Variants in KCNAB1 observed in about 807,000 individuals in gnomAD.
KCNAB1 encodes potassium voltage-gated channel subfamily A regulatory beta subunit 1, also known as voltage-gated potassium channel subunit beta-1.
KCNAB1 carries 35 observed loss-of-function variants against 64.6 expected under a neutral mutation model. That is an observed-to-expected ratio of 0.54 (90% CI 0.41 to 0.72). The LOEUF is 0.72. KCNAB1 is among the 30% of genes least tolerant of loss of function. The pLI is 0.00. For missense variants in KCNAB1, 401 were observed against 512.9 expected, an observed-to-expected ratio of 0.78 and a Z score of 2.11; for synonymous variants, 177 against 183.8, an observed-to-expected ratio of 0.96 and a Z score of 0.30.
intron 1 of KCNAB1, among the ~76,000 whole-genome samples, chr3:156,352,491 C>T (rs1724922387): frequency 6.6e-6 from 1 of 152,202 alleles, no homozygotes; most frequent in Non-Finnish European, 1.5e-5. Context: ...ACAGAGCTCA[C>T]ACAGTTGAAA....
chr3:156,287,331 A>G (rs1720147694), intron 1 of KCNAB1, among the ~76,000 whole-genome samples: 1 of 144,126 alleles, frequency 6.9e-6, no homozygotes, highest in Non-Finnish European at 1.5e-5. Context: ...GCCCCGTGCA[A>G]TGTTGCAACC....
intron 1 of KCNAB1, among the ~76,000 whole-genome samples, chr3:156,186,944 C>T (rs569144197): frequency 7.9e-5 from 12 of 151,950 alleles, no homozygotes; most frequent in East Asian, 7.8e-4. Flanking sequence ...CTCTACCTCC[C>T]GGGCTCAAGT....
At chr3:156,455,431 A>T (rs1712331663) in intron 3 of KCNAB1, among the ~76,000 whole-genome samples, 1 of 152,264 alleles carries the variant, frequency 6.6e-6, no homozygotes, top group Admixed American at 6.5e-5. Flanking sequence ...AAACTCTGTA[A>T]GGTGCCTCTC....
intron 1 of KCNAB1, among the ~76,000 whole-genome samples, chr3:156,297,885 G>A (rs1186086350): frequency 6.6e-6 from 1 of 152,000 alleles, no homozygotes; most frequent in African/African-American, 2.4e-5. Flanking sequence ...CTGTGGCTGT[G>A]TTTCAAACAG....
chr3:156,225,608 A>G (rs1352049232), intron 1 of KCNAB1, among the ~76,000 whole-genome samples: 1 of 152,182 alleles, frequency 6.6e-6, no homozygotes, highest in Non-Finnish European at 1.5e-5. Flanking sequence ...GGGCATCCAA[A>G]TTGGTAAAGA....
At position 156,530,812 on chromosome 3, in the gene KCNAB1, C is replaced by A. The variant is rs113842550; in HGVS notation, c.1082-597C>A. ...CAGAAACCTAGAGTCTACAAGAGTT[C>A]CAAGCAACAGATGTGGAAAATGAGA... On this transcript the variant is annotated intron_variant, in intron 12 of 13. Coordinates refer to ENST00000490337, the MANE Select transcript of KCNAB1 (RefSeq NM_172160.3). Among the ~76,000 whole-genome samples, 21 of 152,172 alleles carry A rather than the reference C, an allele frequency of 1.4e-4. 2 individuals carry two copies. Among genetic ancestry groups the A allele is most frequent in the African/African-American group, 4.8e-4 (20 of 41,524 alleles).
chr3:156,398,193 A>C (rs946468885), intron 1 of KCNAB1, among the ~76,000 whole-genome samples: 1 of 152,142 alleles, frequency 6.6e-6, no homozygotes, highest in Non-Finnish European at 1.5e-5. Flanking sequence ...ATGAGAACAC[A>C]TGGACACAAG....
chr3:156,533,514 G>A (rs564427921), intron 13 of KCNAB1, among the ~76,000 whole-genome samples: 9 of 152,312 alleles, frequency 5.9e-5, no homozygotes, highest in Admixed American at 1.3e-4. Flanking sequence ...GCCAGGTCTC[G>A]CAGGACACCA....
chr3:156,291,856 A>G, intron 1 of KCNAB1: 1 of 1,607,738 alleles, frequency 6.2e-7, no homozygotes, highest in Non-Finnish European at 8.5e-7. Context: ...ACCTCTCGTG[A>G]CTGCCTGTGT....
chr3:156,377,726 A>T (rs1405061155), intron 1 of KCNAB1, among the ~76,000 whole-genome samples: 1 of 152,172 alleles, frequency 6.6e-6, no homozygotes, highest in African/African-American at 2.4e-5. Flanking sequence ...TATGAGAGCG[A>T]TTGCTAAGAA....
Position 156,181,320 on chromosome 3 carries a change from C to A in KCNAB1, c.275+60434C>A, listed in dbSNP as rs75920081. 7.4e-4 allele frequency among the ~76,000 whole-genome samples: 112 copies of A among 152,136 alleles called. 4 individuals carry two copies. The East Asian group carries it at 0.021, about 28-fold the overall frequency. ...CGAGACAGAGGTTAGAAGGGAGCAG[C>A]GTGAAATGCATTTGGGGGAGAAATT... is the stretch of plus-strand genomic sequence containing the variant. On this transcript the variant is annotated intron_variant, in intron 1 of 13. Coordinates refer to ENST00000490337, the MANE Select transcript of KCNAB1 (RefSeq NM_172160.3).
upstream of KCNAB1, chr3:156,118,279 ACT>A (rs1460541305): frequency 4.4e-6 from 2 of 451,956 alleles, no homozygotes; most frequent in Non-Finnish European, 8.9e-6. Flanking sequence ...TTGTCTGGAA[ACT>A]CAGCTGGGGC....
intron 1 of KCNAB1, among the ~76,000 whole-genome samples, chr3:156,282,215 C>T (rs1465755802): frequency 4.0e-5 from 6 of 148,586 alleles, no homozygotes; most frequent in Admixed American, 1.3e-4. Context: ...GCCTTCATTT[C>T]GTTATGTACC....
intron 1 of KCNAB1, among the ~76,000 whole-genome samples, chr3:156,309,399 C>A (rs16825988): frequency 0.023 from 3,446 of 152,338 alleles, 46 homozygotes; most frequent in East Asian, 0.039. Context: ...GAAGCCAACA[C>A]AGATGCCAGC....
At chr3:156,517,046 A>T (rs1178287915) in intron 11 of KCNAB1, among the ~76,000 whole-genome samples, 1 of 152,262 alleles carries the variant, frequency 6.6e-6, no homozygotes, top group Non-Finnish European at 1.5e-5. Context: ...GCCTGTTTTT[A>T]AAAACTTGAG....
intron 5 of KCNAB1, among the ~76,000 whole-genome samples, 195 bp from the exon 6 acceptor site, chr3:156,463,507 C>T (rs972278330): frequency 1.3e-5 from 2 of 152,164 alleles, no homozygotes; most frequent in Non-Finnish European, 2.9e-5. Context: ...CTCTAGGATC[C>T]GACTTTGAGT....
At chr3:156,521,324 C>A (rs546853783) in intron 11 of KCNAB1, among the ~76,000 whole-genome samples, 1 of 152,234 alleles carries the variant, frequency 6.6e-6, no homozygotes, top group East Asian at 1.9e-4. Flanking sequence ...GGACTGCTGG[C>A]AGAGTCACAC....
At chr3:156,138,900 G>A (rs746222837) in intron 1 of KCNAB1, among the ~76,000 whole-genome samples, 3 of 152,118 alleles carry the variant, frequency 2.0e-5, no homozygotes, top group Non-Finnish European at 4.4e-5. Context: ...TGGCTTCTGT[G>A]TCCCAGGCCT....
At chr3:156,188,301 T>G (rs1309014726) in intron 1 of KCNAB1, among the ~76,000 whole-genome samples, 2 of 152,048 alleles carry the variant, frequency 1.3e-5, no homozygotes, top group Non-Finnish European at 2.9e-5. Flanking sequence ...TACAATTCAT[T>G]CCCCCAGAAA....
Sources: allele counts gnomAD v4.1 joint callset (sites outside exome capture counted in the v4.1 genomes callset), GRCh38; gene constraint gnomAD v4.1.1; transcripts MANE v1.5; gene names NCBI Gene and HGNC (gene_info 2026-07-23, HGNC 2026-07-21).